Variants in DIP2C observed in about 807,000 individuals in gnomAD.
The protein encoded by DIP2C is DIP2 acetate--CoA ligase C (putative), also known as disco-interacting protein 2 homolog C.
DIP2C carries 33 observed loss-of-function variants against 192.4 expected under a neutral mutation model. The ratio of observed to expected loss-of-function variants is 0.17; its 90% CI spans 0.13 to 0.23. DIP2C has a LOEUF of 0.23. DIP2C is among the 10% of genes least tolerant of loss of function. The pLI, the probability that DIP2C is intolerant of heterozygous loss-of-function variation, is 1.00. For missense variants in DIP2C, 1,537 were observed against 2,110.1 expected (o/e 0.73, Z 5.32); for synonymous variants, 979 against 864.1 (o/e 1.13, Z -2.33).
chr10:414,740 TACATATATATATATATA>T (rs1260508823), intron 7 of DIP2C, among the ~76,000 whole-genome samples: 71 of 44,566 alleles, frequency 1.6e-3, no homozygotes, highest in South Asian at 3.7e-3. Flanking sequence ...TGTGTGTGTG[TACATATATATATATATA>T]ATGTGTATAT....
chr10:453,723 G>C (rs930305869), intron 3 of DIP2C, among the ~76,000 whole-genome samples: 1 of 151,938 alleles, frequency 6.6e-6, no homozygotes, highest in Non-Finnish European at 1.5e-5. Context: ...AAGGAATGAG[G>C]GAATGTAACA....
At position 390,853 on chromosome 10, in the gene DIP2C, C is replaced by A; in HGVS notation, c.1271G>T (p.Ser424Ile). 6.2e-7 allele frequency: 1 copy of A among 1,614,046 alleles called. No individual in the cohort carries two copies. The highest frequency in any genetic ancestry group is 8.5e-7 in the Non-Finnish European group (1 of 1,179,962). ...TCCAAGCAAGAAACCTATCTGCTGG[C>A]TCCCTGCGTCCTGAGAGGGCAACAG... ...EVPLTRKDAG[S>I]QQIGFLLGSC... Residue 424 changes from serine to isoleucine, a missense_variant, in exon 11 of 37, where the codon AGC (serine) becomes ATC (isoleucine). Physicochemically the swap from Ser to Ile is moderately radical, Grantham distance 142. This residue lies in a region of DIP2C where 677 missense variants were observed against 989.9 expected (regional missense o/e 0.68). Coordinates refer to ENST00000280886, the MANE Select transcript of DIP2C (RefSeq NM_014974.3).
At chr10:367,723 C>T (rs1206784287) in intron 18 of DIP2C, among the ~76,000 whole-genome samples, 1 of 152,238 alleles carries the variant, frequency 6.6e-6, no homozygotes, top group Non-Finnish European at 1.5e-5. Flanking sequence ...ACTTAGTGCC[C>T]CCACAAGGTA....
At chr10:650,942 C>G (rs1257037394) in intron 1 of DIP2C, 1 of 717,510 alleles carries the variant, frequency 1.4e-6, no homozygotes, top group Non-Finnish European at 2.6e-6. Flanking sequence ...CGAGGCTACA[C>G]AGCTCTGGCT....
At chr10:663,350 C>T (rs1856877657) in intron 1 of DIP2C, 1 of 161,378 alleles carries the variant, frequency 6.2e-6, no homozygotes, top group Non-Finnish European at 1.3e-5. Flanking sequence ...AGTAGCTGCC[C>T]TGTCCATCCC....
rs573039748 is a variant in DIP2C at position 444,673 on chromosome 10, G to A, written c.269-3677C>T. On this transcript the variant is annotated intron_variant, in intron 3 of 36. Transcript: ENST00000280886. ...CTGACACTCGTGTAGATTCTCCACCGTCACATGGACTCCACAGCATGGTGT... is the reference window on the plus strand; with the variant it reads ...CTGACACTCGTGTAGATTCTCCACCATCACATGGACTCCACAGCATGGTGT... Among the ~76,000 whole-genome samples, 26 of 151,434 alleles carry A rather than the reference G, an allele frequency of 1.7e-4. 1 individual carries two copies. The South Asian group carries it at 3.4e-3, about 20-fold the overall frequency.
chr10:665,910 TAATC>T (rs1182307484), intron 1 of DIP2C: 1 of 151,950 alleles, frequency 6.6e-6, no homozygotes, highest in African/African-American at 2.4e-5. Flanking sequence ...AAGAGGTAAA[TAATC>T]AAGTGGAAAT....
intron 1 of DIP2C, among the ~76,000 whole-genome samples, chr10:529,345 G>T (rs1381577096): frequency 7.2e-6 from 1 of 138,808 alleles, no homozygotes; most frequent in South Asian, 2.1e-4. Flanking sequence ...AGAAGGCAGC[G>T]GCTGTAATTA....
intron 1 of DIP2C, among the ~76,000 whole-genome samples, chr10:566,440 G>A (rs1849472375): frequency 6.6e-6 from 1 of 152,182 alleles, no homozygotes; most frequent in South Asian, 2.1e-4. Context: ...TGTTACAGTT[G>A]CCTTTCCTCT....
Position 274,917 on chromosome 10 carries a change from CTTCT to C in DIP2C, c.*2404_*2407del, listed in dbSNP as rs1954433656. ...GTACAATTTTGAATACAGAATGACCCTTCTTTATTGCTGAAACTGGTGGTACTAA... is the reference window on the plus strand; with the variant it reads ...GTACAATTTTGAATACAGAATGACCCTTATTGCTGAAACTGGTGGTACTAA... On this transcript the variant is annotated 3_prime_UTR_variant, in exon 37 of 37. Coordinates refer to ENST00000280886, the MANE Select transcript of DIP2C (RefSeq NM_014974.3). 1 of 152,136 alleles carries C rather than the reference CTTCT, an allele frequency of 6.6e-6. No homozygotes were observed. Among genetic ancestry groups the C allele is most frequent in the Admixed American group, 6.5e-5 (1 of 15,284 alleles). 9.4% of individuals were successfully genotyped at this position (152,136 alleles called of 1,614,324 possible). A position where few individuals can be genotyped will look rare whatever the true frequency, so the allele number is the denominator to read the frequency against.
chr10:419,089 C>T lies in DIP2C; in HGVS notation c.715G>A (p.Ala239Thr), dbSNP rs773454495. 53 of 1,614,270 alleles carry T rather than the reference C, an allele frequency of 3.3e-5. No homozygotes were observed. The highest frequency in any genetic ancestry group is 2.7e-4 in the South Asian group (25 of 91,090). ...GSRTAPKYGN[A>T]ELMETGDGVP... ...CCATCCCCGGTCTCCATGAGCTCGG[C>T]GTTGCCGTACTTGGGCGCTGTCCGG... is the stretch of plus-strand genomic sequence containing the variant. Residue 239 changes from alanine (A) to threonine (T), a missense_variant, in exon 6 of 37, where the codon GCC becomes ACC. Transcript: ENST00000280886.
intron 1 of DIP2C, among the ~76,000 whole-genome samples, chr10:589,250 G>T (rs768024174): frequency 4.6e-5 from 7 of 152,252 alleles, no homozygotes; most frequent in Non-Finnish European, 1.0e-4. Context: ...CCAGCTGCAT[G>T]ATTTGTAGAC....
At chr10:683,111 C>T (rs1169211218) in intron 1 of DIP2C, among the ~76,000 whole-genome samples, 1 of 152,240 alleles carries the variant, frequency 6.6e-6, no homozygotes, top group Non-Finnish European at 1.5e-5. Flanking sequence ...CAGCAACCCC[C>T]AGCGAAGGGA....
intron 1 of DIP2C, among the ~76,000 whole-genome samples, chr10:560,191 G>A (rs111582252): frequency 0.031 from 4,647 of 152,124 alleles, 235 homozygotes; most frequent in African/African-American, 0.1. Flanking sequence ...ATCCCTCCAC[G>A]CACAGCAGAG....
At chr10:637,600 A>G (rs816574) in intron 1 of DIP2C, among the ~76,000 whole-genome samples, 150,423 of 152,322 alleles carry the variant, frequency 0.99, 74,299 homozygotes, top group Middle Eastern at 1. Context: ...CCTCCTCACC[A>G]CCCAAAGCTC....
chr10:324,626 C>A, intron 31 of DIP2C: 1 of 196,634 alleles, frequency 5.1e-6, no homozygotes, highest in South Asian at 9.4e-5. Context: ...CAAAATAACG[C>A]CATGACCCAT....
chr10:572,620 C>T (rs187546643), intron 1 of DIP2C, among the ~76,000 whole-genome samples: 2 of 152,344 alleles, frequency 1.3e-5, no homozygotes, highest in African/African-American at 4.8e-5. Flanking sequence ...TGTAAGCACT[C>T]ACACGGTCAA....
In DIP2C at chr10:275,403, G is replaced by A. The variant is rs902223557; in HGVS notation, c.*1922C>T. On this transcript the variant is annotated 3_prime_UTR_variant, in exon 37 of 37. Coordinates refer to ENST00000280886, the MANE Select transcript of DIP2C (RefSeq NM_014974.3). ...GCAATGAGGTCAAACAATATTTCAA[G>A]AATCAAATGGTTTGTGGAGATGGAA... The A allele has an allele frequency of 1.3e-5, 2 of 150,714 alleles. No homozygotes were observed. Among genetic ancestry groups the A allele is most frequent in the African/African-American group, 4.9e-5 (2 of 40,942 alleles). The allele number at this position is 150,714 out of a possible 1,614,324, so 9.3% of individuals were successfully genotyped here. A position where few individuals can be genotyped will look rare whatever the true frequency, so the allele number is the denominator to read the frequency against.
At chr10:599,649 C>T (rs1292852299) in intron 1 of DIP2C, among the ~76,000 whole-genome samples, 1 of 152,150 alleles carries the variant, frequency 6.6e-6, no homozygotes, top group East Asian at 1.9e-4. Context: ...AACCCAGCAC[C>T]CTCAGTGGAC....
Sources: gnomAD v4.1 joint callset for allele counts (sites outside exome capture counted in the v4.1 genomes callset) on GRCh38, gnomAD v4.1.1 for gene constraint, gnomAD v4.1.1 regional missense constraint, MANE v1.5 for transcripts, NCBI Gene and HGNC (gene_info 2026-07-23, HGNC 2026-07-21) for gene names.